The following RBMS3 variants were observed in gnomAD, a reference collection of about 807,000 sequenced individuals.
RBMS3 encodes RNA-binding motif, single-stranded-interacting protein 3.
RBMS3 carries 27 observed loss-of-function variants against 66.8 expected under a neutral mutation model. That is an observed-to-expected ratio of 0.40 (90% CI 0.30 to 0.56). The LOEUF is 0.56. Ranked by LOEUF, RBMS3 falls within the 20% of genes least tolerant of loss-of-function variation. The pLI is 0.40. For missense variants in RBMS3, 513 were observed against 549.5 expected (o/e 0.93, Z 0.66); for synonymous variants, 188 against 183.0 (o/e 1.03, Z -0.22).
At chr3:29,285,081 G>A (rs930188167) in intron 1 of RBMS3, among the ~76,000 whole-genome samples, 19 of 150,588 alleles carry the variant, frequency 1.3e-4, no homozygotes, top group African/African-American at 4.6e-4. Context: ...TAGTTCATTA[G>A]CTTAATGACA....
At chr3:29,798,569 T>A (rs529252559) in intron 6 of RBMS3, among the ~76,000 whole-genome samples, 20 of 152,290 alleles carry the variant, frequency 1.3e-4, no homozygotes, top group African/African-American at 4.8e-4. Context: ...ACTAACTCTA[T>A]AGCATATACA....
chr3:29,450,641 T>C (rs2125758754), intron 2 of RBMS3, among the ~76,000 whole-genome samples: 1 of 152,238 alleles, frequency 6.6e-6, no homozygotes, highest in East Asian at 1.9e-4. Flanking sequence ...ACCGCAAGGA[T>C]ATTATTCATC....
chr3:30,001,757 T>C (rs951608960), intron 14 of RBMS3, among the ~76,000 whole-genome samples: 3 of 151,344 alleles, frequency 2.0e-5, no homozygotes, highest in African/African-American at 7.3e-5. Context: ...GAATTCCTGT[T>C]TTCAAGTTAT....
chr3:29,444,125 G>A (rs1318426865), intron 2 of RBMS3, among the ~76,000 whole-genome samples: 2 of 152,100 alleles, frequency 1.3e-5, no homozygotes, highest in Non-Finnish European at 2.9e-5. Flanking sequence ...GATATAAAAT[G>A]GGAGCCATAA....
At chr3:29,673,710 G>A (rs2051106616) in intron 4 of RBMS3, among the ~76,000 whole-genome samples, 1 of 152,124 alleles carries the variant, frequency 6.6e-6, no homozygotes, top group Non-Finnish European at 1.5e-5. Context: ...CCAGGAAGAA[G>A]TTGAATCCCT....
At chr3:29,298,439 A>G (rs1334172749) in intron 1 of RBMS3, among the ~76,000 whole-genome samples, 1 of 151,918 alleles carries the variant, frequency 6.6e-6, no homozygotes, top group Non-Finnish European at 1.5e-5. Context: ...TATAATCTTC[A>G]GGAAACTTAA....
chr3:29,612,121 C>T (rs1403678146), intron 4 of RBMS3, among the ~76,000 whole-genome samples: 1 of 151,960 alleles, frequency 6.6e-6, no homozygotes, highest in African/African-American at 2.4e-5. Context: ...AGAGCACCGA[C>T]TTTACTGAAG....
At chr3:29,869,491 A>G (rs2059439003) in intron 7 of RBMS3, among the ~76,000 whole-genome samples, 1 of 152,146 alleles carries the variant, frequency 6.6e-6, no homozygotes, top group South Asian at 2.1e-4. Context: ...ACACACATAT[A>G]TAAAATAAGA....
intron 12 of RBMS3, among the ~76,000 whole-genome samples, chr3:29,963,861 A>C (rs1696648022): frequency 6.7e-6 from 1 of 150,254 alleles, no homozygotes; most frequent in African/African-American, 2.4e-5. Context: ...TTAAAGGCTG[A>C]GTACATAAAG....
chr3:29,701,845 G>C (rs763541254), intron 4 of RBMS3, among the ~76,000 whole-genome samples: 1 of 151,682 alleles, frequency 6.6e-6, no homozygotes, highest in Non-Finnish European at 1.5e-5. Flanking sequence ...GCGCGCAGCC[G>C]GAGTCTCACC....
intron 14 of RBMS3, among the ~76,000 whole-genome samples, chr3:29,996,263 T>C (rs1699233870): frequency 1.3e-5 from 2 of 151,940 alleles, no homozygotes; most frequent in South Asian, 4.2e-4. Context: ...CCAAGATTCA[T>C]AAAGCAAGTC....
At chr3:29,709,737 A>G (rs113518638) in intron 4 of RBMS3, among the ~76,000 whole-genome samples, 12,004 of 152,240 alleles carry the variant, frequency 0.079, 1,582 homozygotes, top group African/African-American at 0.27. Context: ...GCAAAGGCCT[A>G]TATAATGCAC....
intron 3 of RBMS3, among the ~76,000 whole-genome samples, chr3:29,552,823 G>A (rs2046220740): frequency 6.6e-6 from 1 of 152,066 alleles, no homozygotes; most frequent in African/African-American, 2.4e-5. Flanking sequence ...TTACACTCTG[G>A]AGTTAGTAAA....
At chr3:29,984,055 C>T (rs143863537) in intron 12 of RBMS3, among the ~76,000 whole-genome samples, 1,544 of 152,214 alleles carry the variant, frequency 0.01, 33 homozygotes, top group African/African-American at 0.035. Flanking sequence ...ACCAGTCAAA[C>T]GTAGGTTTGG....
intron 3 of RBMS3, among the ~76,000 whole-genome samples, chr3:29,523,774 G>T (rs989216080): frequency 8.6e-5 from 13 of 151,714 alleles, no homozygotes; most frequent in Admixed American, 5.2e-4. Context: ...TCACTTTGTT[G>T]CCCGGGCTGG....
intron 6 of RBMS3, among the ~76,000 whole-genome samples, chr3:29,795,255 T>C (rs1005585852): frequency 5.3e-5 from 8 of 152,212 alleles, no homozygotes; most frequent in African/African-American, 1.9e-4. Flanking sequence ...GATGTGTATA[T>C]ATGCTCTCAC....
chr3:29,338,560 G>A (rs1197286549), intron 1 of RBMS3, among the ~76,000 whole-genome samples: 1 of 152,058 alleles, frequency 6.6e-6, no homozygotes, highest in African/African-American at 2.4e-5. Flanking sequence ...CACAGTGGGT[G>A]GAGTCCAGCA....
chr3:29,745,020 C>A (rs1024689372), intron 5 of RBMS3, among the ~76,000 whole-genome samples: 1 of 152,120 alleles, frequency 6.6e-6, no homozygotes, highest in African/African-American at 2.4e-5. Context: ...AAGAACCCCC[C>A]CGCCTCAATT....
chr3:29,905,006 AT>A (rs1559786654), intron 10 of RBMS3, among the ~76,000 whole-genome samples: 1 of 151,998 alleles, frequency 6.6e-6, no homozygotes, highest in African/African-American at 2.4e-5. Context: ...TGTCATGCAG[AT>A]TTTTGGTATT....
Sources: gnomAD v4.1 joint callset for allele counts (sites outside exome capture counted in the v4.1 genomes callset) on GRCh38, gnomAD v4.1.1 for gene constraint, MANE v1.5 for transcripts, NCBI Gene and HGNC (gene_info 2026-07-23, HGNC 2026-07-21) for gene names.